IPMK: variants seen among roughly 807,000 people sequenced by gnomAD.
The protein encoded by IPMK is inositol 1,3,4,6-tetrakisphosphate 5-kinase.
In IPMK, 17 loss-of-function variants were observed where a neutral mutation model predicts 45.8. The observed-to-expected ratio is 0.37, with a 90% CI of 0.25 to 0.56. IPMK has a LOEUF of 0.56. IPMK is among the 20% of genes least tolerant of loss of function. The pLI is 0.79. For missense variants in IPMK, 399 were observed against 498.0 expected (o/e 0.80, Z 1.89); for synonymous variants, 180 against 184.3 (o/e 0.98, Z 0.19).
chr10:58,192,946 C>A lies in IPMK; in HGVS notation c.*3130G>T, dbSNP rs1372209765. 1 of 151,844 alleles carries A rather than the reference C, an allele frequency of 6.6e-6. No individual in the cohort carries two copies. Among genetic ancestry groups the A allele is most frequent in the Non-Finnish European group, 1.5e-5 (1 of 67,830 alleles). 9.4% of individuals were successfully genotyped at this position (151,844 alleles called of 1,614,324 possible). On this transcript the variant is annotated 3_prime_UTR_variant, in exon 6 of 6. Transcript: ENST00000373935. ...TAAGCATTATAAACAATTTTTAAAG[C>A]AAAACAAGTTTTAAAGTATAAAATG...
In IPMK at chr10:58,207,929, T is replaced by C. The variant is rs988135645; in HGVS notation, c.546+8216A>G. ...GCCATTTAACATAAACCCCAATTTC[T>C]GGGAGGCTTTGTTCATTTTTCTTTT... On this transcript the variant is annotated intron_variant, in intron 4 of 5. Coordinates refer to ENST00000373935, the MANE Select transcript of IPMK (RefSeq NM_152230.5). Among the ~76,000 whole-genome samples the C allele has an allele frequency of 2.6e-5, 4 of 152,252 alleles. No individual in the cohort carries two copies. In the East Asian group the frequency reaches 7.7e-4, roughly 29 times the overall value.
intron 1 of IPMK, among the ~76,000 whole-genome samples, chr10:58,262,049 C>T (rs1486603847): frequency 6.6e-6 from 1 of 151,990 alleles, no homozygotes; most frequent in Non-Finnish European, 1.5e-5. Flanking sequence ...ACAACGAGAA[C>T]ACTTGGACAC....
intron 1 of IPMK, among the ~76,000 whole-genome samples, chr10:58,257,667 A>T (rs1244879860): frequency 6.6e-6 from 1 of 152,184 alleles, no homozygotes; most frequent in Non-Finnish European, 1.5e-5. Context: ...AGACTGAAAA[A>T]TATCAAACCC....
intron 1 of IPMK, among the ~76,000 whole-genome samples, chr10:58,265,515 T>C (rs1398832673): frequency 2.0e-5 from 3 of 152,174 alleles, no homozygotes; most frequent in African/African-American, 7.2e-5. Context: ...ATATCATCAG[T>C]CAAGTATCCT....
intron 1 of IPMK, among the ~76,000 whole-genome samples, chr10:58,259,930 T>TAGG (rs1179633440): frequency 6.6e-6 from 1 of 152,166 alleles, no homozygotes; most frequent in Non-Finnish European, 1.5e-5. Context: ...GTCTGTCAAA[T>TAGG]ATTATCAATC....
In IPMK at chr10:58,267,788, G is replaced by C. The variant is rs1183578657; in HGVS notation, c.-177C>G. The C allele has an allele frequency of 3.6e-6, 2 of 558,310 alleles. No individual in the cohort carries two copies. The highest frequency in any genetic ancestry group is 6.3e-6 in the Non-Finnish European group (2 of 317,446). 34.6% of individuals were successfully genotyped at this position (558,310 alleles called of 1,614,324 possible). On this transcript the variant is annotated 5_prime_UTR_variant, in exon 1 of 6. Coordinates refer to ENST00000373935, the MANE Select transcript of IPMK (RefSeq NM_152230.5). ...CCCATGACGCCGCCGGGGCGCGGGC[G>C]CTCCTCTGCCCAACTCTCGGCGGAA...
At chr10:58,214,783 C>T (rs1838219557) in intron 4 of IPMK, among the ~76,000 whole-genome samples, 1 of 152,164 alleles carries the variant, frequency 6.6e-6, no homozygotes, top group African/African-American at 2.4e-5. Context: ...ACAAATTTTA[C>T]CTTCACGCAT....
chr10:58,256,994 G>A (rs1838979446), intron 1 of IPMK, among the ~76,000 whole-genome samples: 1 of 152,170 alleles, frequency 6.6e-6, no homozygotes, highest in Non-Finnish European at 1.5e-5. Flanking sequence ...GAGCCCAGGA[G>A]GTTGAGGCTG....
intron 1 of IPMK, among the ~76,000 whole-genome samples, chr10:58,245,663 A>T (rs1838788381): frequency 6.6e-6 from 1 of 152,032 alleles, no homozygotes; most frequent in African/African-American, 2.4e-5. Flanking sequence ...TCAAAATAAT[A>T]AGAGTTATCT....
chr10:58,239,292 G>T (rs1005305254), intron 1 of IPMK, among the ~76,000 whole-genome samples: 5 of 152,172 alleles, frequency 3.3e-5, no homozygotes, highest in Non-Finnish European at 4.4e-5. Context: ...TTCTGAAGAA[G>T]AATTCTGTTC....
rs1026013813 is a variant in IPMK at position 58,191,523 on chromosome 10, T to A, written c.*4553A>T. 6.6e-6 allele frequency: 1 copy of A among 152,196 alleles called. No individual in the cohort carries two copies. Among genetic ancestry groups the A allele is most frequent in the East Asian group, 1.9e-4 (1 of 5,180 alleles). The allele number at this position is 152,196 out of a possible 1,614,324, so 9.4% of individuals were successfully genotyped here. On this transcript the variant is annotated 3_prime_UTR_variant, in exon 6 of 6. Coordinates refer to ENST00000373935, the MANE Select transcript of IPMK (RefSeq NM_152230.5). ...TTACAATTAATGAAAAAAGTTCCAATGCAAAACATTTTAATAGGTTGTCAA... is the reference window on the plus strand; with the variant it reads ...TTACAATTAATGAAAAAAGTTCCAAAGCAAAACATTTTAATAGGTTGTCAA...
intron 3 of IPMK, among the ~76,000 whole-genome samples, chr10:58,219,626 G>A (rs1031352145): frequency 2.0e-5 from 3 of 152,136 alleles, no homozygotes; most frequent in African/African-American, 7.2e-5. Flanking sequence ...AGGCCCCTCT[G>A]GGTATAGAGT....
At position 58,229,911 on chromosome 10, in the gene IPMK, G is replaced by A. The variant is rs140125250; in HGVS notation, c.277-2772C>T. On this transcript the variant is annotated intron_variant, in intron 2 of 5. Transcript: ENST00000373935. ...GGGGGATTTCCCTTTCCTAGCCAAG[G>A]GAAGCCGTGACAGACTACCTGGAAA... 6.2e-4 allele frequency among the ~76,000 whole-genome samples: 94 copies of A among 152,276 alleles called. No individual in the cohort carries two copies. The East Asian group carries it at 9.5e-3, about 15-fold the overall frequency.
intron 4 of IPMK, among the ~76,000 whole-genome samples, chr10:58,206,067 A>G (rs2132146237): frequency 6.6e-6 from 1 of 152,330 alleles, no homozygotes; most frequent in South Asian, 2.1e-4. Flanking sequence ...TCAATGAATG[A>G]ATGGATAAAC....
At chr10:58,239,933 G>A (rs1241578005) in intron 1 of IPMK, among the ~76,000 whole-genome samples, 2 of 152,028 alleles carry the variant, frequency 1.3e-5, no homozygotes, top group South Asian at 2.1e-4. Flanking sequence ...CTGCACGGGG[G>A]ATCAAAACAA....
intron 2 of IPMK, among the ~76,000 whole-genome samples, chr10:58,229,721 A>C (rs941764261): frequency 5.3e-5 from 8 of 152,028 alleles, no homozygotes; most frequent in African/African-American, 1.9e-4. Context: ...GGAAAGAAAG[A>C]GGGGGGTGTT....
At chr10:58,240,829 CTT>C (rs1838686338) in intron 1 of IPMK, among the ~76,000 whole-genome samples, 1 of 152,088 alleles carries the variant, frequency 6.6e-6, no homozygotes, top group Non-Finnish European at 1.5e-5. Flanking sequence ...GTTGCAAACA[CTT>C]GCAGCATTTT....
intron 1 of IPMK, among the ~76,000 whole-genome samples, chr10:58,252,475 C>T (rs1304123904): frequency 2.0e-5 from 3 of 148,208 alleles, no homozygotes; most frequent in African/African-American, 5.0e-5. Context: ...TTAGGTTCAG[C>T]GGTCCATGTG....
At chr10:58,247,989 C>A (rs1838827330) in intron 1 of IPMK, among the ~76,000 whole-genome samples, 1 of 152,064 alleles carries the variant, frequency 6.6e-6, no homozygotes, top group African/African-American at 2.4e-5. Context: ...TGTGTTGCCC[C>A]TTTTTTCTCT....
Sources: gnomAD v4.1 joint callset for allele counts (sites outside exome capture counted in the v4.1 genomes callset) on GRCh38, gnomAD v4.1.1 for gene constraint, MANE v1.5 for transcripts, NCBI Gene and HGNC (gene_info 2026-07-23, HGNC 2026-07-21) for gene names.